PPTC7: variants seen among roughly 807,000 people sequenced by gnomAD.
PPTC7 encodes protein phosphatase targeting COQ7.
Under a neutral mutation model 30.8 loss-of-function variants are expected in PPTC7, and 6 were observed. That is an observed-to-expected ratio of 0.19 (90% CI 0.11 to 0.38). The LOEUF (loss-of-function observed/expected upper bound fraction) is 0.38. PPTC7 is among the 10% of genes least tolerant of loss of function. The probability of loss-of-function intolerance (pLI) is 1.00; values close to 1 mark genes in which losing one functional copy is unlikely to be tolerated. For synonymous variants in PPTC7, 163 were observed against 168.1 expected (o/e 0.97, Z 0.23); for missense variants, 218 against 404.8 (o/e 0.54, Z 3.96).
intron 1 of PPTC7, among the ~76,000 whole-genome samples, chr12:110,573,022 G>C (rs1026665524): frequency 6.6e-6 from 1 of 152,126 alleles, no homozygotes; most frequent in East Asian, 1.9e-4. Context: ...TGGGATTACA[G>C]GCGCCCGACA....
chr12:110,569,684 TAGG>T (rs2064516707), intron 1 of PPTC7, among the ~76,000 whole-genome samples: 1 of 152,174 alleles, frequency 6.6e-6, no homozygotes, highest in Non-Finnish European at 1.5e-5. Flanking sequence ...ACAAAACAAA[TAGG>T]GCTATACTTT....
At chr12:110,572,107 T>C (rs1423706340) in intron 1 of PPTC7, among the ~76,000 whole-genome samples, 1 of 152,196 alleles carries the variant, frequency 6.6e-6, no homozygotes, top group East Asian at 1.9e-4. Flanking sequence ...AGACTAATTT[T>C]GGTAAGTCAA....
At chr12:110,582,400 C>G (rs540980681) in intron 1 of PPTC7, among the ~76,000 whole-genome samples, 1 of 152,270 alleles carries the variant, frequency 6.6e-6, no homozygotes, top group South Asian at 2.1e-4. Context: ...GTCGGGAGCA[C>G]GCGAAGAGGC....
chr12:110,551,088 C>T (rs926047789), intron 2 of PPTC7, among the ~76,000 whole-genome samples: 1 of 152,158 alleles, frequency 6.6e-6, no homozygotes, highest in African/African-American at 2.4e-5. Context: ...TTTCTTTTCA[C>T]AATGCATTTT....
At position 110,573,926 on chromosome 12, in the gene PPTC7, A is replaced by G. The variant is rs993582949; in HGVS notation, c.223+8883T>C. Among the ~76,000 whole-genome samples, 5 of 151,900 alleles carry G rather than the reference A, an allele frequency of 3.3e-5. No homozygotes were observed. The East Asian group carries it at 9.7e-4, about 29-fold the overall frequency. On this transcript the variant is annotated intron_variant, in intron 1 of 5. Coordinates refer to ENST00000354300, the MANE Select transcript of PPTC7 (RefSeq NM_139283.2). Reference sequence around the variant, plus strand: ...AACCCGGGAGGCGGAGGTTACGGTGAGCCGAGATTGTGCCATTGCATTCCA... The same window carrying G: ...AACCCGGGAGGCGGAGGTTACGGTGGGCCGAGATTGTGCCATTGCATTCCA...
chr12:110,577,969 T>C (rs1225412372), intron 1 of PPTC7, among the ~76,000 whole-genome samples: 3 of 152,180 alleles, frequency 2.0e-5, no homozygotes, highest in Non-Finnish European at 2.9e-5. Context: ...GGAGACTGAC[T>C]GGTTTTTAAT....
chr12:110,576,561 C>G (rs530734226), intron 1 of PPTC7, among the ~76,000 whole-genome samples: 1 of 152,144 alleles, frequency 6.6e-6, no homozygotes, highest in Non-Finnish European at 1.5e-5. Flanking sequence ...GAAGTACTGA[C>G]ACATGCTCCA....
intron 1 of PPTC7, among the ~76,000 whole-genome samples, chr12:110,572,355 C>T (rs972536181): frequency 2.6e-5 from 4 of 152,082 alleles, no homozygotes; most frequent in Non-Finnish European, 4.4e-5. Context: ...GAGGGAGAAT[C>T]GCTTGAACCC....
chr12:110,562,344 T>C (rs551042815), intron 1 of PPTC7, among the ~76,000 whole-genome samples: 1 of 144,958 alleles, frequency 6.9e-6, no homozygotes, highest in East Asian at 2.0e-4. Context: ...GCAGGATGAC[T>C]GAAAAAATAT....
At chr12:110,582,138 C>T (rs1052872958) in intron 1 of PPTC7, among the ~76,000 whole-genome samples, 2 of 152,200 alleles carry the variant, frequency 1.3e-5, no homozygotes, top group Non-Finnish European at 2.9e-5. Flanking sequence ...CTGCAATCTA[C>T]AAGTAGGCTC....
intron 3 of PPTC7, among the ~76,000 whole-genome samples, chr12:110,540,321 C>CCCCCCCT (rs377082561): frequency 9.5e-6 from 1 of 105,008 alleles, no homozygotes; most frequent in Non-Finnish European, 1.8e-5. Context: ...CCCCCCCCGC[C>CCCCCCCT]TTTTTTTTTT....
chr12:110,538,344 C>A, intron 4 of PPTC7, 71 bp from the exon 5 acceptor site: 1 of 1,440,216 alleles, frequency 6.9e-7, no homozygotes, highest in South Asian at 1.2e-5. Flanking sequence ...ACCACCTTTT[C>A]CATCATGTAA....
chr12:110,575,920 A>C lies in PPTC7; in HGVS notation c.223+6889T>G, dbSNP rs553502982. Among the ~76,000 whole-genome samples the C allele has an allele frequency of 1.3e-4, 20 of 152,344 alleles. No homozygotes were observed. The Middle Eastern group carries it at 0.017, about 130-fold the overall frequency. On this transcript the variant is annotated intron_variant, in intron 1 of 5. Transcript: ENST00000354300. ...AAGGTACCTTAATAAGTAACTTATA[A>C]AACTGCAACACACCTATATAGCAAA... is the stretch of plus-strand genomic sequence containing the variant.
intron 1 of PPTC7, among the ~76,000 whole-genome samples, chr12:110,575,582 C>T (rs1039996819): frequency 3.5e-5 from 5 of 141,342 alleles, no homozygotes; most frequent in Admixed American, 7.4e-5. Context: ...AGGGTACAGC[C>T]TCCTCCCATG....
At chr12:110,573,144 T>C (rs1279965880) in intron 1 of PPTC7, among the ~76,000 whole-genome samples, 1 of 152,172 alleles carries the variant, frequency 6.6e-6, no homozygotes. Flanking sequence ...CCTCCCAAAG[T>C]GTTGGGATTA....
intron 3 of PPTC7, among the ~76,000 whole-genome samples, chr12:110,545,080 C>T (rs2064294750): frequency 6.6e-6 from 1 of 151,792 alleles, no homozygotes; most frequent in African/African-American, 2.4e-5. Flanking sequence ...CACCTCAAGA[C>T]CATTTTGGTT....
At chr12:110,555,239 T>C (rs1308390466) in intron 1 of PPTC7, among the ~76,000 whole-genome samples, 1 of 152,204 alleles carries the variant, frequency 6.6e-6, no homozygotes, top group Non-Finnish European at 1.5e-5. Context: ...AAATAGTGTA[T>C]CACCACTGGG....
chr12:110,540,066 A>C, intron 3 of PPTC7, 121 bp from the exon 4 acceptor site: 1 of 790,726 alleles, frequency 1.3e-6, no homozygotes, highest in Non-Finnish European at 1.8e-6. Context: ...GATTTATCAT[A>C]ATGGAGTCAA....
intron 1 of PPTC7, among the ~76,000 whole-genome samples, chr12:110,555,866 T>TTTAAAACACAACAATTTATG (rs1202346409): frequency 1.3e-5 from 2 of 152,244 alleles, no homozygotes; most frequent in Non-Finnish European, 2.9e-5. Context: ...TTCACCATAA[T>TTTAAAACACAACAATTTATG]TTAAAACACA....
Sources: allele counts gnomAD v4.1 joint callset (sites outside exome capture counted in the v4.1 genomes callset), GRCh38; gene constraint gnomAD v4.1.1; transcripts MANE v1.5; gene names NCBI Gene and HGNC (gene_info 2026-07-23, HGNC 2026-07-21).